TNRC6C: variants seen among roughly 807,000 people sequenced by gnomAD.
The protein encoded by TNRC6C is trinucleotide repeat-containing gene 6C protein.
A neutral mutation model predicts 153.7 loss-of-function variants in TNRC6C; 20 were observed. That is an observed-to-expected ratio of 0.13 (90% CI 0.09 to 0.19). TNRC6C has a LOEUF of 0.19. Ranked by LOEUF, TNRC6C falls within the 10% of genes least tolerant of loss-of-function variation. The probability of loss-of-function intolerance (pLI) is 1.00; values close to 1 mark genes in which losing one functional copy is unlikely to be tolerated. For synonymous variants in TNRC6C, 811 were observed against 841.4 expected (o/e 0.96, Z 0.63); for missense variants, 1,987 against 2,172.0 (o/e 0.91, Z 1.69).
At chr17:78,039,734 C>T (rs1324364056) in intron 2 of TNRC6C, among the ~76,000 whole-genome samples, 1 of 152,158 alleles carries the variant, frequency 6.6e-6, no homozygotes, top group Non-Finnish European at 1.5e-5. Flanking sequence ...GCAATAAAGG[C>T]CTAGAAATGC....
At chr17:77,963,991 T>G (rs1379871472) in intron 1 of TNRC6C, among the ~76,000 whole-genome samples, 1 of 152,184 alleles carries the variant, frequency 6.6e-6, no homozygotes, top group Non-Finnish European at 1.5e-5. Context: ...TCTTTTCTGT[T>G]GGAGAACCAC....
At chr17:77,983,061 C>T (rs58865838) in intron 1 of TNRC6C, among the ~76,000 whole-genome samples, 52 of 152,266 alleles carry the variant, frequency 3.4e-4, no homozygotes, top group African/African-American at 1.2e-3. Context: ...TTCTATTATA[C>T]ACAAATTAGG....
rs191695856 is a variant in TNRC6C, at chr17:78,019,796, G to A, written c.-545-11720G>A. ...CATGAAAATGCTGATATGCAAAAGG[G>A]TAGGTTCCCATGTGAGTCCTTATCT... On this transcript the variant is annotated intron_variant, in intron 1 of 19. Coordinates refer to ENST00000301624, the Ensembl canonical transcript of TNRC6C. 3.5e-3 allele frequency among the ~76,000 whole-genome samples: 528 copies of A among 152,318 alleles called. 5 individuals carry two copies. Among genetic ancestry groups the A allele is most frequent in the African/African-American group, 0.012 (492 of 41,568 alleles).
rs749817283 is a variant in TNRC6C, at chr17:78,104,565, C to G, written c.4793C>G (p.Ala1598Gly). The G allele has an allele frequency of 1.2e-4, 186 of 1,550,626 alleles. No homozygotes were observed. Among genetic ancestry groups the G allele is most frequent in the Non-Finnish European group, 1.6e-4 (183 of 1,146,250 alleles). Reference sequence around the variant, plus strand: ...AATCGCTTCTTAGCCCAAGGCCAGGCGCTGCCACCCACTTCCAGCTGGCAG... The same window carrying G: ...AATCGCTTCTTAGCCCAAGGCCAGGGGCTGCCACCCACTTCCAGCTGGCAG... The change falls in exon 20 of 20, where the codon GCG becomes GGG. Residue 1598 changes from alanine to glycine, a missense_variant. Physicochemically the swap from Ala to Gly is moderately conservative, Grantham distance 60 (BLOSUM62 0). Transcript: ENST00000301624. This position sits in a 1 kb window ranked among gnomAD's most constrained non-coding sequence, Gnocchi z 6.2.
intron 1 of TNRC6C, among the ~76,000 whole-genome samples, chr17:78,021,930 T>G (rs2071840405): frequency 6.6e-6 from 1 of 152,216 alleles, no homozygotes; most frequent in Non-Finnish European, 1.5e-5. Flanking sequence ...TTGGGATATA[T>G]TACCAGGATT....
chr17:78,041,018 A>G (rs915429175), intron 2 of TNRC6C: 2 of 152,092 alleles, frequency 1.3e-5, no homozygotes, highest in African/African-American at 4.8e-5. Context: ...CCCAGCCGAC[A>G]TGTTGTAGCG....
At chr17:77,971,879 AAAAG>A (rs1227298932) in intron 1 of TNRC6C, among the ~76,000 whole-genome samples, 4 of 152,058 alleles carry the variant, frequency 2.6e-5, no homozygotes, top group Non-Finnish European at 4.4e-5. Flanking sequence ...AAAAAAAAAA[AAAAG>A]AACATGTCAA....
At chr17:77,963,012 C>T (rs1231313413) in intron 1 of TNRC6C, among the ~76,000 whole-genome samples, 1 of 152,182 alleles carries the variant, frequency 6.6e-6, no homozygotes, top group East Asian at 1.9e-4. Context: ...CTTGCTTTTA[C>T]TCAGTCTATG....
At chr17:77,995,002 CAA>C (rs1441323876) in intron 1 of TNRC6C, among the ~76,000 whole-genome samples, 2 of 152,094 alleles carry the variant, frequency 1.3e-5, no homozygotes, top group Admixed American at 6.5e-5. Context: ...CTCTATCAGC[CAA>C]GAGAGAGAAA....
intron 1 of TNRC6C, among the ~76,000 whole-genome samples, chr17:78,006,808 TTTTATTTA>T (rs1199249926): frequency 4.7e-5 from 7 of 148,226 alleles, no homozygotes; most frequent in Non-Finnish European, 7.4e-5. Context: ...GAGAATTTTC[TTTTATTTA>T]TTTATTTATT....
chr17:77,958,682 G>C (rs576540721), upstream of TNRC6C, among the ~76,000 whole-genome samples: 2 of 151,916 alleles, frequency 1.3e-5, no homozygotes, highest in Non-Finnish European at 2.9e-5. Context: ...TGGCTGAAGC[G>C]GGGGGAGGGG....
intron 1 of TNRC6C, among the ~76,000 whole-genome samples, chr17:77,979,910 C>A (rs369164470): frequency 6.6e-6 from 1 of 152,100 alleles, no homozygotes; most frequent in Non-Finnish European, 1.5e-5. Flanking sequence ...TACAGTGGAA[C>A]GATATCTTCA....
intron 3 of TNRC6C, among the ~76,000 whole-genome samples, chr17:78,059,846 C>CAAAAAAA (rs762507955): frequency 1.3e-5 from 1 of 77,724 alleles, no homozygotes; most frequent in African/African-American, 4.4e-5. Context: ...GACCCTGTCT[C>CAAAAAAA]AAAAAAAAAA....
chr17:78,092,087 G>A (rs1335888486), intron 14 of TNRC6C, among the ~76,000 whole-genome samples: 1 of 152,166 alleles, frequency 6.6e-6, no homozygotes, highest in African/African-American at 2.4e-5. Context: ...TTTACTGATG[G>A]ACACACGAGT....
At chr17:77,958,507 CA>C (rs2070829864), upstream of TNRC6C, among the ~76,000 whole-genome samples, 1 of 151,468 alleles carries the variant, frequency 6.6e-6, no homozygotes, top group South Asian at 2.1e-4. Flanking sequence ...GCCGAGGAGC[CA>C]ATGGGCCGGG....
chr17:77,984,888 G>A (rs1343402345), intron 1 of TNRC6C, among the ~76,000 whole-genome samples: 3 of 152,044 alleles, frequency 2.0e-5, no homozygotes, highest in Non-Finnish European at 4.4e-5. Context: ...TCTACTTTCT[G>A]CATTTGCTCT....
chr17:78,101,225 C>G (rs992855003), intron 17 of TNRC6C, among the ~76,000 whole-genome samples: 2 of 152,206 alleles, frequency 1.3e-5, no homozygotes, highest in Non-Finnish European at 2.9e-5. Context: ...CCACAAATCT[C>G]TAGGGCAGGG....
chr17:78,080,317 A>G (rs1001478625), intron 10 of TNRC6C, among the ~76,000 whole-genome samples: 10 of 152,292 alleles, frequency 6.6e-5, no homozygotes, highest in African/African-American at 2.2e-4. Context: ...GTGGTGGCGC[A>G]TGCCTGTGAT....
chr17:77,974,472 T>C (rs2144077436), intron 1 of TNRC6C, among the ~76,000 whole-genome samples: 1 of 152,002 alleles, frequency 6.6e-6, no homozygotes, highest in Non-Finnish European at 1.5e-5. Flanking sequence ...CCTCTTTCAT[T>C]ACCACCCCCG....
Sources: allele counts gnomAD v4.1 joint callset (sites outside exome capture counted in the v4.1 genomes callset), GRCh38; gene constraint gnomAD v4.1.1; non-coding constraint Gnocchi (gnomAD v3.1); transcripts MANE v1.5; gene names NCBI Gene and HGNC (gene_info 2026-07-23, HGNC 2026-07-21).